The following MEMO1 variants were observed in gnomAD, a reference collection of about 807,000 sequenced individuals.
The protein encoded by MEMO1 is protein MEMO1.
Under a neutral mutation model 45.2 loss-of-function variants are expected in MEMO1, and 6 were observed. That is an observed-to-expected ratio of 0.13 (90% CI 0.07 to 0.26). The LOEUF is 0.26. Ranked by LOEUF, MEMO1 falls within the 10% of genes least tolerant of loss-of-function variation. MEMO1 has a pLI of 1.00. For synonymous variants in MEMO1, 78 were observed against 124.3 expected (o/e 0.63, Z 2.48); for missense variants, 184 against 370.5 (o/e 0.50, Z 4.13).
chr2:31,923,471 T>C (rs543521001), intron 4 of MEMO1: 5 of 706,970 alleles, frequency 7.1e-6, no homozygotes, highest in Middle Eastern at 2.7e-4. Flanking sequence ...GTCAAATCTA[T>C]AGATTTCTAA....
chr2:31,959,784 TA>T (rs1470971540), intron 2 of MEMO1, among the ~76,000 whole-genome samples: 1 of 9,980 alleles, frequency 1.0e-4, no homozygotes, highest in African/African-American at 1.5e-4. Flanking sequence ...TCAGCAATTG[TA>T]TTTTTTATAC....
chr2:31,895,803 T>C (rs1464558963), intron 6 of MEMO1, among the ~76,000 whole-genome samples: 2 of 141,542 alleles, frequency 1.4e-5, no homozygotes, highest in African/African-American at 2.5e-5. Context: ...TACTTCATAA[T>C]CAAACAGCTG....
At chr2:31,983,677 G>A (rs1361395740) in intron 2 of MEMO1, among the ~76,000 whole-genome samples, 1 of 152,182 alleles carries the variant, frequency 6.6e-6, no homozygotes, top group East Asian at 1.9e-4. Flanking sequence ...CAGGTGATCC[G>A]CCTGCCTCAG....
At chr2:31,956,340 G>GA (rs879311902) in intron 2 of MEMO1, among the ~76,000 whole-genome samples, 4,085 of 130,132 alleles carry the variant, frequency 0.031, 202 homozygotes, top group African/African-American at 0.1. Flanking sequence ...CAATTTCTTT[G>GA]AAAAAAAAAA....
chr2:31,949,588 A>G (rs1179624205), intron 2 of MEMO1, among the ~76,000 whole-genome samples: 1 of 129,724 alleles, frequency 7.7e-6, no homozygotes, highest in Admixed American at 9.4e-5. Context: ...TGGTTACCAG[A>G]GGCTGGGAAG....
At position 31,943,326 on chromosome 2, in the gene MEMO1, C is replaced by G. The variant is rs1429680572; in HGVS notation, c.119G>C (p.Arg40Thr). The G allele has an allele frequency of 1.2e-6, 2 of 1,613,758 alleles. No individual in the cohort carries two copies. Among genetic ancestry groups the G allele is most frequent in the Admixed American group, 3.3e-5 (2 of 60,006 alleles). The part of the protein sequence containing the change: ...GWLSQVQSTK[R>T]PARAIIAPHA... ...CGGGGCAATAATGGCTCTAGCAGGT[C>G]TTTTTGTAGACTGTACTTGTGAAAG... Residue 40 changes from arginine (R) to threonine (T), a missense_variant, in exon 3 of 10, where the codon AGA becomes ACA. Transcript: ENST00000404530.
chr2:31,969,089 A>G (rs1392043548), intron 2 of MEMO1, among the ~76,000 whole-genome samples: 2 of 151,808 alleles, frequency 1.3e-5, no homozygotes, highest in Non-Finnish European at 2.9e-5. Flanking sequence ...AATTTTCCCA[A>G]TAATGTCTAT....
chr2:31,922,841 A>G (rs1046476337), intron 4 of MEMO1, among the ~76,000 whole-genome samples: 1 of 152,060 alleles, frequency 6.6e-6, no homozygotes, highest in East Asian at 1.9e-4. Context: ...CATAGTGTAT[A>G]TATGTACCAC....
chr2:31,945,222 T>C (rs1666059267), intron 2 of MEMO1, among the ~76,000 whole-genome samples: 1 of 152,248 alleles, frequency 6.6e-6, no homozygotes, highest in Non-Finnish European at 1.5e-5. Flanking sequence ...AATCATTCAT[T>C]TGCAGGGCTG....
At chr2:31,933,930 A>G (rs891402342) in intron 3 of MEMO1, among the ~76,000 whole-genome samples, 1 of 152,110 alleles carries the variant, frequency 6.6e-6, no homozygotes, top group Admixed American at 6.6e-5. Flanking sequence ...CAGGAGACCT[A>G]TTTTATTCTG....
At chr2:31,999,923 G>A (rs936568019) in intron 2 of MEMO1, among the ~76,000 whole-genome samples, 4 of 136,314 alleles carry the variant, frequency 2.9e-5, no homozygotes, top group Admixed American at 8.3e-5. Context: ...TCAATCTGTC[G>A]CCCAGGCTGG....
chr2:31,970,087 T>C (rs1384280157), intron 2 of MEMO1, among the ~76,000 whole-genome samples: 2 of 152,120 alleles, frequency 1.3e-5, no homozygotes, highest in Non-Finnish European at 2.9e-5. Context: ...GTCTCCTGTC[T>C]CAGCCTCCTG....
intron 2 of MEMO1, among the ~76,000 whole-genome samples, chr2:32,009,806 G>A (rs1674593990): frequency 6.6e-6 from 1 of 152,158 alleles, no homozygotes; most frequent in Non-Finnish European, 1.5e-5. Flanking sequence ...CTTCCCGGGG[G>A]TGGCAGCGGC....
chr2:31,997,127 GAAA>G, intron 2 of MEMO1, among the ~76,000 whole-genome samples: 1 of 151,708 alleles, frequency 6.6e-6, no homozygotes, highest in East Asian at 1.9e-4. Context: ...GGACCTCAAT[GAAA>G]AAAATACTTG....
intron 4 of MEMO1, among the ~76,000 whole-genome samples, chr2:31,922,492 C>T (rs1161524984): frequency 6.6e-6 from 1 of 152,068 alleles, no homozygotes; most frequent in Admixed American, 6.6e-5. Context: ...TTAACTTTTA[C>T]TTTAAGTTCA....
intron 2 of MEMO1, among the ~76,000 whole-genome samples, chr2:31,993,906 C>G (rs545584440): frequency 6.9e-6 from 1 of 145,794 alleles, no homozygotes; most frequent in African/African-American, 2.6e-5. Flanking sequence ...ATAAGTAATG[C>G]TGTTGCTGTC....
Position 31,932,076 on chromosome 2 carries a change from G to A in MEMO1, c.203C>T (p.Pro68Leu). 6.2e-7 allele frequency: 1 copy of A among 1,612,808 alleles called. No homozygotes were observed. Reference protein sequence around the residue: ...CAAHAYKQVDPSITRRIFILG... With the variant: ...CAAHAYKQVDLSITRRIFILG... Reference sequence around the variant, plus strand: ...AAACTACATTACTTACGTAATAGACGGATCCACTTGTTTATAAGCATGGGC... The same window carrying A: ...AAACTACATTACTTACGTAATAGACAGATCCACTTGTTTATAAGCATGGGC... The change falls in exon 4 of 10, where the codon CCG becomes CTG. Residue 68 changes from proline (P) to leucine (L), a missense_variant. Around this residue, in one of 3 missense-constraint regions of MEMO1, gnomAD observed 60 missense variants for 79.2 expected, o/e 0.76. Transcript: ENST00000404530.
chr2:31,893,906 T>C (rs940163460), intron 6 of MEMO1, among the ~76,000 whole-genome samples: 6 of 152,186 alleles, frequency 3.9e-5, no homozygotes, highest in African/African-American at 1.4e-4. Context: ...AGGACTTGAA[T>C]CGAGGCTCAT....
intron 2 of MEMO1, among the ~76,000 whole-genome samples, chr2:31,969,706 A>G (rs187002065): frequency 6.8e-6 from 1 of 146,802 alleles, no homozygotes; most frequent in African/African-American, 2.5e-5. Flanking sequence ...AACTCCTGGA[A>G]ACAAGCAACC....
Sources: allele counts gnomAD v4.1 joint callset (sites outside exome capture counted in the v4.1 genomes callset), GRCh38; gene constraint gnomAD v4.1.1; regional missense constraint gnomAD v4.1.1; transcripts MANE v1.5; gene names NCBI Gene and HGNC (gene_info 2026-07-23, HGNC 2026-07-21).